Variants in PUS10 observed in about 807,000 individuals in gnomAD.
PUS10 encodes the protein tRNA pseudouridine synthase Pus10.
Under a neutral mutation model 75.0 loss-of-function variants are expected in PUS10, and 59 were observed. That is an observed-to-expected ratio of 0.79 (90% CI 0.64 to 0.98). PUS10 has a LOEUF of 0.98. Among genes scored for constraint, PUS10 ranks in the 50% least tolerant of loss-of-function variants. The pLI, the probability that PUS10 is intolerant of heterozygous loss-of-function variation, is 0.00. For missense variants in PUS10, 650 were observed against 614.4 expected (o/e 1.06, Z -0.61); for synonymous variants, 219 against 211.6 (o/e 1.03, Z -0.30).
At chr2:60,949,898 G>A (rs754619801) in intron 15 of PUS10, among the ~76,000 whole-genome samples, 5 of 152,118 alleles carry the variant, frequency 3.3e-5, no homozygotes, top group Admixed American at 6.5e-5. Context: ...GATTACAGAC[G>A]TGAGCCACTG....
intron 1 of PUS10, among the ~76,000 whole-genome samples, chr2:61,016,049 A>C (rs1679955030): frequency 6.6e-6 from 1 of 152,228 alleles, no homozygotes; most frequent in African/African-American, 2.4e-5. Flanking sequence ...CTCGATACTT[A>C]AATAGCTATA....
intron 4 of PUS10, among the ~76,000 whole-genome samples, chr2:61,003,130 T>C (rs1177598547): frequency 6.6e-6 from 1 of 152,216 alleles, no homozygotes; most frequent in African/African-American, 2.4e-5. Flanking sequence ...CTTTTCTTTC[T>C]AAGCTTTTAA....
At chr2:61,004,711 A>C (rs1370470920) in intron 4 of PUS10, among the ~76,000 whole-genome samples, 1 of 152,100 alleles carries the variant, frequency 6.6e-6, no homozygotes, top group African/African-American at 2.4e-5. Flanking sequence ...TTTTCTGAAG[A>C]AACCTGGGAT....
intron 15 of PUS10, among the ~76,000 whole-genome samples, chr2:60,948,813 ATTTTC>A (rs1010726554): frequency 6.6e-6 from 1 of 152,022 alleles, no homozygotes; most frequent in Non-Finnish European, 1.5e-5. Flanking sequence ...TTCGTTAGAG[ATTTTC>A]TTTTATGTCA....
chr2:60,941,975 A>G lies in PUS10; in HGVS notation c.*420T>C, dbSNP rs2104042014. 6.3e-6 allele frequency: 1 copy of G among 159,604 alleles called. No individual in the cohort carries two copies. Among genetic ancestry groups the G allele is most frequent in the African/African-American group, 2.4e-5 (1 of 41,702 alleles). 9.9% of individuals were successfully genotyped at this position (159,604 alleles called of 1,614,324 possible). ...GATATTATGCTGCATAAATCTAGAT[A>G]TAACTTTTATTCAGATAATTTACAA... On this transcript the variant is annotated 3_prime_UTR_variant, in exon 18 of 18. Transcript: ENST00000316752.
chr2:60,957,331 G>T lies in PUS10; in HGVS notation c.1001-2257C>A, dbSNP rs1012219458. On this transcript the variant is annotated intron_variant, in intron 11 of 17. Transcript: ENST00000316752. ...CCTGGAACGCGATGCACAAGCCTTG[G>T]ACAAAGGATGCTGCAAGACCCATGA... Among the ~76,000 whole-genome samples, 4 of 152,316 alleles carry T rather than the reference G, an allele frequency of 2.6e-5. No individual in the cohort carries two copies. The East Asian group carries it at 7.7e-4, about 29-fold the overall frequency.
intron 4 of PUS10, among the ~76,000 whole-genome samples, chr2:60,993,644 C>T (rs1248093250): frequency 6.6e-6 from 1 of 152,002 alleles, no homozygotes; most frequent in Non-Finnish European, 1.5e-5. Context: ...AAAACAGATT[C>T]CACTAGTATT....
chr2:60,961,940 C>A (rs945937515), intron 9 of PUS10, among the ~76,000 whole-genome samples: 1 of 152,210 alleles, frequency 6.6e-6, no homozygotes, highest in South Asian at 2.1e-4. Context: ...GACTCTACCC[C>A]CCTTATCACA....
At chr2:61,017,931 G>GT in intron 1 of PUS10, 77 bp downstream of exon 1, 4 of 1,432,900 alleles carry the variant, frequency 2.8e-6, no homozygotes, top group Non-Finnish European at 3.8e-6. Context: ...GCGGTTGTTA[G>GT]TGGAGGTATT....
chr2:60,950,166 G>A (rs1675245992), intron 15 of PUS10, among the ~76,000 whole-genome samples: 3 of 152,192 alleles, frequency 2.0e-5, no homozygotes, highest in African/African-American at 7.2e-5. Flanking sequence ...CTAAGAACTG[G>A]AGAGGCCATT....
intron 1 of PUS10, among the ~76,000 whole-genome samples, chr2:61,012,887 T>TATATACAC (rs67357917): frequency 3.4e-5 from 3 of 88,898 alleles, no homozygotes; most frequent in East Asian, 3.1e-4. Flanking sequence ...TATATATATA[T>TATATACAC]ACACACACAC....
intron 4 of PUS10, 70 bp from the exon 5 acceptor site, chr2:60,971,627 A>G (rs1573434477): frequency 7.1e-7 from 1 of 1,404,250 alleles, no homozygotes; most frequent in Non-Finnish European, 1.0e-6. Context: ...AAGTCTCAAT[A>G]TCATTACTGA....
chr2:60,961,875 C>T (rs2104338556), intron 9 of PUS10, among the ~76,000 whole-genome samples: 1 of 152,338 alleles, frequency 6.6e-6, no homozygotes, highest in Admixed American at 6.5e-5. Context: ...GAAGTGGAAG[C>T]CCCTTCAGGC....
At chr2:61,011,037 T>C (rs1679563990) in intron 2 of PUS10, 2 of 1,148,792 alleles carry the variant, frequency 1.7e-6, no homozygotes, top group Admixed American at 5.3e-5. Context: ...TAAAAATAAC[T>C]GATACTACTA....
intron 1 of PUS10, among the ~76,000 whole-genome samples, chr2:61,014,383 C>T (rs1248862185): frequency 6.6e-6 from 1 of 152,016 alleles, no homozygotes; most frequent in Non-Finnish European, 1.5e-5. Flanking sequence ...CCATCTCAAA[C>T]AAACAAGCAA....
At chr2:60,974,961 G>C (rs1300173216) in intron 4 of PUS10, among the ~76,000 whole-genome samples, 1 of 152,216 alleles carries the variant, frequency 6.6e-6, no homozygotes, top group Non-Finnish European at 1.5e-5. Flanking sequence ...TCCAGCTGGC[G>C]AAGCAACACC....
chr2:60,955,548 T>C (rs1391456350), intron 11 of PUS10, among the ~76,000 whole-genome samples: 1 of 152,128 alleles, frequency 6.6e-6, no homozygotes, highest in Non-Finnish European at 1.5e-5. Context: ...AGACTGGTCT[T>C]TAACTCCTGA....
chr2:60,964,984 C>T, intron 8 of PUS10, 74 bp downstream of exon 8: 20 of 1,302,360 alleles, frequency 1.5e-5, no homozygotes, highest in Non-Finnish European at 2.0e-5. Flanking sequence ...GATGCATATC[C>T]TTTTTGTTGG....
chr2:60,965,283 T>G, intron 7 of PUS10, 140 bp downstream of exon 7: 1 of 987,202 alleles, frequency 1.0e-6, no homozygotes, highest in Non-Finnish European at 1.6e-6. Flanking sequence ...CATTTTATTT[T>G]TTTGAGGGCA....
Sources: allele counts gnomAD v4.1 joint callset (sites outside exome capture counted in the v4.1 genomes callset), GRCh38; gene constraint gnomAD v4.1.1; transcripts MANE v1.5; gene names NCBI Gene and HGNC (gene_info 2026-07-23, HGNC 2026-07-21).